PLCG2: variants seen among roughly 807,000 people sequenced by gnomAD.
PLCG2 encodes the protein phospholipase C gamma 2.
A neutral mutation model predicts 175.6 loss-of-function variants in PLCG2; 69 were observed. The ratio of observed to expected loss-of-function variants is 0.39; its 90% confidence interval spans 0.32 to 0.48. PLCG2 has a LOEUF of 0.48. Among genes scored for constraint, PLCG2 ranks in the 20% least tolerant of loss-of-function variants. PLCG2 has a pLI of 0.91. For synonymous variants in PLCG2, 827 were observed against 624.0 expected (o/e 1.33, Z -4.85); for missense variants, 1,798 against 1,650.9 (o/e 1.09, Z -1.54).
At chr16:81,775,703 C>T (rs1335733311), upstream of PLCG2, among the ~76,000 whole-genome samples, 1 of 152,134 alleles carries the variant, frequency 6.6e-6, no homozygotes, top group Admixed American at 6.6e-5. Context: ...ACACAGAATA[C>T]AAAGAGTCAA....
At chr16:81,915,680 G>A (rs11864701) in intron 19 of PLCG2, among the ~76,000 whole-genome samples, 15,528 of 152,174 alleles carry the variant, frequency 0.1, 936 homozygotes, top group African/African-American at 0.15. Context: ...CTCCCCATGC[G>A]ACGGGTTGTG....
intron 18 of PLCG2, among the ~76,000 whole-genome samples, chr16:81,911,558 C>G (rs1909622083): frequency 6.6e-6 from 1 of 151,920 alleles, no homozygotes; most frequent in South Asian, 2.1e-4. Context: ...CCACCTCAGC[C>G]TCCTATCTGG....
intron 2 of PLCG2, among the ~76,000 whole-genome samples, chr16:81,772,479 G>A (rs182060579): frequency 2.6e-5 from 4 of 152,032 alleles, no homozygotes; most frequent in East Asian, 1.9e-4. Flanking sequence ...GGTAAGACAC[G>A]GGGCCTGGTA....
chr16:81,910,420 G>A, intron 17 of PLCG2, 100 bp from the exon 18 acceptor site: 1 of 1,019,596 alleles, frequency 9.8e-7, no homozygotes, highest in Non-Finnish European at 1.5e-6. Context: ...GCAGAGGGAA[G>A]GTTGTGTGGC....
chr16:81,880,100 G>C (rs1185455269), intron 7 of PLCG2, among the ~76,000 whole-genome samples: 1 of 152,160 alleles, frequency 6.6e-6, no homozygotes, highest in Non-Finnish European at 1.5e-5. Flanking sequence ...TATTAGCCGG[G>C]CATGGTGGCG....
At chr16:81,928,038 GC>G (rs1330271582) in intron 23 of PLCG2, among the ~76,000 whole-genome samples, 1 of 17,750 alleles carries the variant, frequency 5.6e-5, no homozygotes, top group East Asian at 6.4e-3. Flanking sequence ...CCTCTCCTAA[GC>G]CCAGGATATT....
intron 2 of PLCG2, among the ~76,000 whole-genome samples, chr16:81,759,747 A>G (rs1177722230): frequency 6.6e-6 from 1 of 152,276 alleles, no homozygotes. Flanking sequence ...ATTTCCCTTA[A>G]ATTGTACGTT....
At chr16:81,915,174 G>A (rs965886465) in intron 19 of PLCG2, among the ~76,000 whole-genome samples, 1 of 152,210 alleles carries the variant, frequency 6.6e-6, no homozygotes, top group Non-Finnish European at 1.5e-5. Context: ...GTGGTGGAGG[G>A]TGAGTAGCTC....
chr16:81,773,840 A>T (rs1910334592), intron 2 of PLCG2, among the ~76,000 whole-genome samples: 1 of 152,100 alleles, frequency 6.6e-6, no homozygotes, highest in African/African-American at 2.4e-5. Flanking sequence ...AGCGACTGGG[A>T]CTGGAACCAG....
chr16:81,879,049 A>C (rs1907952427), intron 7 of PLCG2, among the ~76,000 whole-genome samples: 1 of 151,944 alleles, frequency 6.6e-6, no homozygotes, highest in African/African-American at 2.4e-5. Flanking sequence ...CCATGGTGGT[A>C]CCTCTGCCAT....
In PLCG2 at chr16:81,746,986, A is replaced by T. The variant is rs143902524; in HGVS notation, c.-145+7601A>T. Among the ~76,000 whole-genome samples, 1,049 of 152,304 alleles carry T rather than the reference A, an allele frequency of 6.9e-3. 9 individuals carry two copies. The highest frequency in any genetic ancestry group is 9.3e-3 in the Non-Finnish European group (634 of 68,022). Reference sequence around the variant, plus strand: ...TAAGGAAATCTTGTCACATAAAGGGATTCAGCAAAGGTACACCAACCACCT... The same window carrying T: ...TAAGGAAATCTTGTCACATAAAGGGTTTCAGCAAAGGTACACCAACCACCT... On this transcript the variant is annotated intron_variant, in intron 1 of 5. Coordinates refer to the PLCG2 transcript ENST00000565054.
chr16:81,891,616 G>A (rs1281491369), intron 11 of PLCG2, 26 bp downstream of exon 11: 2 of 1,315,214 alleles, frequency 1.5e-6, no homozygotes, highest in Admixed American at 1.7e-5. Context: ...GCCTGTGATG[G>A]GTTGGGCAGC....
chr16:81,905,427 G>C lies in PLCG2; in HGVS notation c.1387G>C (p.Asp463His). 1 of 1,614,088 alleles carries C rather than the reference G, an allele frequency of 6.2e-7. No individual in the cohort carries two copies. Among genetic ancestry groups the C allele is most frequent in the Non-Finnish European group, 8.5e-7 (1 of 1,179,930 alleles). ...IKHKKLGPRG[D>H]VDVNMEDKKD... ...GCATAAGAAGCTGGGCCCCCGAGGC[G>C]ATGTGGATGTCAACATGGAGGACAA... is the stretch of plus-strand genomic sequence containing the variant. The change falls in exon 15 of 33, where the codon GAT becomes CAT. Residue 463 changes from aspartate (D) to histidine (H), a missense_variant. Physicochemically the swap from Asp to His is moderately conservative, Grantham distance 81. Transcript: ENST00000564138.
At chr16:81,862,435 G>A (rs1201936915) in intron 5 of PLCG2, among the ~76,000 whole-genome samples, 1 of 152,206 alleles carries the variant, frequency 6.6e-6, no homozygotes, top group African/African-American at 2.4e-5. Flanking sequence ...TCTCAGACAC[G>A]TTTTCTATGT....
At chr16:81,773,403 T>C (rs1398288043) in intron 2 of PLCG2, among the ~76,000 whole-genome samples, 2 of 152,162 alleles carry the variant, frequency 1.3e-5, no homozygotes, top group African/African-American at 4.8e-5. Flanking sequence ...CGAGGGGCTT[T>C]TGTCTTCAGC....
chr16:81,880,775 A>G, intron 7 of PLCG2, 135 bp from the exon 8 acceptor site: 2 of 760,406 alleles, frequency 2.6e-6, no homozygotes, highest in Non-Finnish European at 4.4e-6. Flanking sequence ...TACAACTAAC[A>G]TCAACTAAAA....
chr16:81,778,045 A>AAAAAAC (rs1910511230), upstream of PLCG2, among the ~76,000 whole-genome samples: 1 of 77,906 alleles, frequency 1.3e-5, no homozygotes, highest in Non-Finnish European at 2.5e-5. Context: ...AAAAAAAACA[A>AAAAAAC]AAAAAAAAAC....
intron 25 of PLCG2, among the ~76,000 whole-genome samples, chr16:81,933,328 G>A (rs530862123): frequency 5.3e-5 from 8 of 152,308 alleles, no homozygotes; most frequent in African/African-American, 1.7e-4. Context: ...AAGGAAGAAG[G>A]CCCCATCCCA....
chr16:81,809,966 C>G (rs1904303408), intron 2 of PLCG2, among the ~76,000 whole-genome samples: 1 of 151,916 alleles, frequency 6.6e-6, no homozygotes, highest in African/African-American at 2.4e-5. Context: ...TTCTGCCAGT[C>G]TTTGTCTGCC....
Sources: allele counts gnomAD v4.1 joint callset (sites outside exome capture counted in the v4.1 genomes callset), GRCh38; gene constraint gnomAD v4.1.1; transcripts MANE v1.5; gene names NCBI Gene and HGNC (gene_info 2026-07-23, HGNC 2026-07-21).